Variants in CNBD1 observed in about 807,000 individuals in gnomAD.
CNBD1 encodes the protein cyclic nucleotide binding domain containing 1.
CNBD1 carries 71 observed loss-of-function variants against 54.4 expected under a neutral mutation model. The ratio of observed to expected loss-of-function variants is 1.30; its 90% CI spans 1.08 to 1.59. CNBD1 has a LOEUF of 1.59. CNBD1 is among the 40% of genes most tolerant of loss of function. CNBD1 has a pLI of 0.00. For synonymous variants in CNBD1, 182 were observed against 170.7 expected, an observed-to-expected ratio of 1.07 and a Z score of -0.51; for missense variants, 659 against 518.0, an observed-to-expected ratio of 1.27 and a Z score of -2.64.
chr8:87,045,593 C>A (rs1349230496), intron 4 of CNBD1, among the ~76,000 whole-genome samples: 3 of 151,486 alleles, frequency 2.0e-5, no homozygotes, highest in African/African-American at 7.3e-5. Context: ...GGCGTGGTGG[C>A]AGGTGCCTGG....
At chr8:87,420,147 T>A (rs1304832150) in intron 2 of CNBD1, among the ~76,000 whole-genome samples, 1 of 151,944 alleles carries the variant, frequency 6.6e-6, no homozygotes, top group Admixed American at 6.6e-5. Flanking sequence ...TCATCACTTT[T>A]CAGACTCTTA....
intron 2 of CNBD1, among the ~76,000 whole-genome samples, chr8:87,427,162 A>G (rs1563598549): frequency 6.6e-6 from 1 of 151,874 alleles, no homozygotes; most frequent in Non-Finnish European, 1.5e-5. Flanking sequence ...GTGCTTTCAG[A>G]CTCAATTCCC....
At chr8:87,414,636 A>G (rs1325535504) in intron 2 of CNBD1, among the ~76,000 whole-genome samples, 1 of 152,020 alleles carries the variant, frequency 6.6e-6, no homozygotes, top group Admixed American at 6.6e-5. Flanking sequence ...AACATATAAT[A>G]ACAATATATC....
intron 4 of CNBD1, among the ~76,000 whole-genome samples, chr8:87,081,344 C>A (rs1280680838): frequency 6.6e-6 from 1 of 151,776 alleles, no homozygotes; most frequent in African/African-American, 2.4e-5. Flanking sequence ...AGTTGAATTC[C>A]CTTGAGATAA....
chr8:87,319,626 G>T (rs1809477747), intron 8 of CNBD1, among the ~76,000 whole-genome samples: 1 of 151,966 alleles, frequency 6.6e-6, no homozygotes, highest in African/African-American at 2.4e-5. Context: ...AGCAACAGGG[G>T]AAATATACTT....
chr8:87,140,608 G>A (rs959858615), intron 4 of CNBD1, among the ~76,000 whole-genome samples: 1 of 152,072 alleles, frequency 6.6e-6, no homozygotes, highest in Non-Finnish European at 1.5e-5. Context: ...GCAGGAGAGA[G>A]TACAATGGGG....
At position 87,410,813 on chromosome 8, in the gene CNBD1, G is replaced by A. The variant is rs777701968; in HGVS notation, c.214-17733G>A. On this transcript the variant is annotated intron_variant, in intron 2 of 7. Coordinates refer to the CNBD1 transcript ENST00000521593. ...TGTCGTATTTTGAGAAACTGCCACA[G>A]CCACCCCAACTATTAGCAACTACCA... 2.6e-5 allele frequency among the ~76,000 whole-genome samples: 4 copies of A among 152,068 alleles called. No individual in the cohort carries two copies. In the East Asian group the frequency reaches 5.8e-4, roughly 22 times the overall value.
intron 4 of CNBD1, among the ~76,000 whole-genome samples, chr8:86,976,946 A>G (rs956633102): frequency 1.3e-5 from 2 of 151,988 alleles, no homozygotes; most frequent in Non-Finnish European, 2.9e-5. Flanking sequence ...TAGGATTATC[A>G]ATAAGATCAT....
intron 8 of CNBD1, among the ~76,000 whole-genome samples, chr8:87,332,572 G>T (rs1216539419): frequency 6.6e-6 from 1 of 152,102 alleles, no homozygotes; most frequent in East Asian, 1.9e-4. Flanking sequence ...TTTAAGGAAG[G>T]GATCCAGTTT....
chr8:87,155,268 A>T (rs1396835668), intron 4 of CNBD1, among the ~76,000 whole-genome samples: 2 of 152,140 alleles, frequency 1.3e-5, no homozygotes, highest in South Asian at 4.1e-4. Context: ...TGAGATCCAG[A>T]TATTGAGGAT....
At chr8:87,084,207 T>C (rs1811054358) in intron 4 of CNBD1, among the ~76,000 whole-genome samples, 1 of 152,234 alleles carries the variant, frequency 6.6e-6, no homozygotes, top group Non-Finnish European at 1.5e-5. Context: ...CTTTAAACAG[T>C]AGTGTCTTAT....
intron 4 of CNBD1, among the ~76,000 whole-genome samples, chr8:86,976,187 CTTTTTTTTTT>C (rs71277906): frequency 3.6e-5 from 3 of 83,478 alleles, no homozygotes; most frequent in Non-Finnish European, 4.4e-5. Flanking sequence ...GTGCATTGAC[CTTTTTTTTTT>C]TTTTTTTTTT....
At chr8:87,381,568 G>A (rs1201170513) in intron 10 of CNBD1, among the ~76,000 whole-genome samples, 1 of 151,996 alleles carries the variant, frequency 6.6e-6, no homozygotes, top group Non-Finnish European at 1.5e-5. Context: ...AGAGATATTA[G>A]CAGTACCATG....
intron 6 of CNBD1, among the ~76,000 whole-genome samples, chr8:87,282,177 A>G (rs190209878): frequency 6.6e-6 from 1 of 151,806 alleles, no homozygotes; most frequent in Admixed American, 6.6e-5. Flanking sequence ...AACCTATACA[A>G]TATTTTTCTT....
At chr8:87,409,962 G>A (rs1343088478) in intron 2 of CNBD1, among the ~76,000 whole-genome samples, 1 of 151,986 alleles carries the variant, frequency 6.6e-6, no homozygotes, top group Non-Finnish European at 1.5e-5. Context: ...GAGGGAGGTT[G>A]TAGTGAGCCG....
At chr8:87,174,188 G>T (rs925770253) in intron 4 of CNBD1, among the ~76,000 whole-genome samples, 4 of 151,970 alleles carry the variant, frequency 2.6e-5, no homozygotes, top group African/African-American at 9.7e-5. Context: ...TCGATCTCTT[G>T]ACCTCGTTAT....
intron 4 of CNBD1, among the ~76,000 whole-genome samples, chr8:87,196,892 A>AG (rs1295282236): frequency 9.8e-5 from 15 of 152,340 alleles, no homozygotes; most frequent in African/African-American, 3.6e-4. Context: ...ATAGATAGAA[A>AG]GGTGAATTAA....
At chr8:87,286,923 C>G (rs1282127669) in intron 8 of CNBD1, among the ~76,000 whole-genome samples, 2 of 152,076 alleles carry the variant, frequency 1.3e-5, no homozygotes, top group Non-Finnish European at 2.9e-5. Flanking sequence ...TTTAACTGTT[C>G]CGCACTTGCT....
intron 4 of CNBD1, among the ~76,000 whole-genome samples, chr8:86,998,014 C>T (rs1354538899): frequency 6.6e-6 from 1 of 152,060 alleles, no homozygotes; most frequent in African/African-American, 2.4e-5. Flanking sequence ...TTCTTACATG[C>T]CCATGTTATA....
Sources: gnomAD v4.1 joint callset for allele counts (sites outside exome capture counted in the v4.1 genomes callset) on GRCh38, gnomAD v4.1.1 for gene constraint, MANE v1.5 for transcripts, NCBI Gene and HGNC (gene_info 2026-07-23, HGNC 2026-07-21) for gene names.